The following SLC2A1 variants were observed in gnomAD, a reference collection of about 807,000 sequenced individuals.
The protein encoded by SLC2A1 is solute carrier family 2 member 1, also known as solute carrier family 2, facilitated glucose transporter member 1.
In SLC2A1, 4 loss-of-function variants were observed where a neutral mutation model predicts 46.6. That is an observed-to-expected ratio of 0.09 (90% CI 0.04 to 0.20). SLC2A1 has a LOEUF of 0.20. Among genes scored for constraint, SLC2A1 ranks in the 10% least tolerant of loss-of-function variants. The pLI is 1.00. For missense variants in SLC2A1, 352 were observed against 667.0 expected (o/e 0.53, Z 5.20); for synonymous variants, 253 against 270.0 (o/e 0.94, Z 0.62).
At position 42,929,385 on chromosome 1, in the gene SLC2A1, T is replaced by A. The variant is rs1387930918; in HGVS notation, c.868-71A>T. Reference sequence around the variant, plus strand: ...CCTTCCCTGCCTCTGTAGCAGTGGATGTGGGACCCAGGATGAGTAAAGAAT... The same window carrying A: ...CCTTCCCTGCCTCTGTAGCAGTGGAAGTGGGACCCAGGATGAGTAAAGAAT... On this transcript the variant is annotated intron_variant, in intron 6 of 9. Transcript: ENST00000426263. The surrounding 1 kb of genome is among the most constrained non-coding windows in gnomAD (Gnocchi z 6.0). The A allele has an allele frequency of 7.7e-7, 1 of 1,295,226 alleles. No homozygotes were observed. Among genetic ancestry groups the A allele is most frequent in the Non-Finnish European group, 1.1e-6 (1 of 908,286 alleles). 80.2% of individuals were successfully genotyped at this position (1,295,226 alleles called of 1,614,324 possible). A position where few individuals can be genotyped will look rare whatever the true frequency, so the allele number is the denominator to read the frequency against.
chr1:42,930,874 CG>C lies in SLC2A1; in HGVS notation c.276-9del, dbSNP rs1346049540. 1.9e-6 allele frequency: 3 copies of C among 1,601,114 alleles called. No individual in the cohort carries two copies. Among genetic ancestry groups the C allele is most frequent in the Middle Eastern group, 1.6e-4 (1 of 6,082 alleles). On this transcript the variant is annotated splice_polypyrimidine_tract_variant and intron_variant, in intron 3 of 9. Transcript: ENST00000426263. The surrounding 1 kb of genome is among the most constrained non-coding windows in gnomAD (Gnocchi z 6.2). The stretch of plus-strand genomic sequence containing the variant: ...ATCAGCATTGAATTCCGCCTGGGGA[CG>C]GGGTCACAGGTCAGGCCAGTGCCCA...
chr1:42,954,456 C>T lies in SLC2A1; in HGVS notation c.18+4178G>A, dbSNP rs1009973468. Among the ~76,000 whole-genome samples the T allele has an allele frequency of 1.3e-5, 2 of 152,174 alleles. No homozygotes were observed. The highest frequency in any genetic ancestry group is 4.8e-5 in the African/African-American group (2 of 41,440). ...AGGAGAACCACTAGAACCTGGGAGGCGAAGGTTGTGGTGAGCTGAGATTGT... is the reference window on the plus strand; with the variant it reads ...AGGAGAACCACTAGAACCTGGGAGGTGAAGGTTGTGGTGAGCTGAGATTGT... On this transcript the variant is annotated intron_variant, in intron 1 of 9. Coordinates refer to ENST00000426263, the MANE Select transcript of SLC2A1 (RefSeq NM_006516.4). The surrounding 1 kb of genome is among the most constrained non-coding windows in gnomAD (Gnocchi z 4.2).
At position 42,958,689 on chromosome 1, in the gene SLC2A1, C is replaced by T. The variant is rs1366389469; in HGVS notation, c.-38G>A. 2.6e-6 allele frequency: 4 copies of T among 1,533,244 alleles called. No individual in the cohort carries two copies. The highest frequency in any genetic ancestry group is 1.4e-5 in the African/African-American group (1 of 72,178). 95.0% of individuals were successfully genotyped at this position (1,533,244 alleles called of 1,614,324 possible). On this transcript the variant is annotated 5_prime_UTR_variant, in exon 1 of 10. Coordinates refer to ENST00000426263, the MANE Select transcript of SLC2A1 (RefSeq NM_006516.4). ...CTGGTGGCTCTGGCTGCGCCGGGTACGCGGGTGGCGACGGGCGTGCGAGCG... is the reference window on the plus strand; with the variant it reads ...CTGGTGGCTCTGGCTGCGCCGGGTATGCGGGTGGCGACGGGCGTGCGAGCG...
intron 1 of SLC2A1, among the ~76,000 whole-genome samples, chr1:42,944,984 G>A (rs1643636362): frequency 6.6e-6 from 1 of 152,034 alleles, no homozygotes; most frequent in African/African-American, 2.4e-5. Context: ...AGTGGGTAGT[G>A]AGCAGCTGAC....
In SLC2A1 at chr1:42,930,165, A is replaced by AGAGCCT; in HGVS notation, c.517-131_517-130insAGGCTC. ...GGGCCCCAGTTCTAGAGGCTCTGCC[A>AGAGCCT]CTAGCATGAGCCCTGTTTCTCAGTT... On this transcript the variant is annotated intron_variant, in intron 4 of 9. Coordinates refer to ENST00000426263, the MANE Select transcript of SLC2A1 (RefSeq NM_006516.4). This position sits in a 1 kb window ranked among gnomAD's most constrained non-coding sequence, Gnocchi z 6.2. 2.0e-6 allele frequency: 2 copies of AGAGCCT among 990,410 alleles called. No homozygotes were observed. The highest frequency in any genetic ancestry group is 3.1e-6 in the Non-Finnish European group (2 of 640,880). 61.4% of individuals were successfully genotyped at this position (990,410 alleles called of 1,614,324 possible).
intron 2 of SLC2A1, among the ~76,000 whole-genome samples, chr1:42,937,100 A>G (rs576766003): frequency 1.3e-4 from 20 of 152,322 alleles, no homozygotes; most frequent in African/African-American, 4.8e-4. Context: ...CCCTGCTCTA[A>G]GGGCGAAGCA....
At chr1:42,934,569 C>A (rs76042949) in intron 2 of SLC2A1, among the ~76,000 whole-genome samples, 2 of 152,128 alleles carry the variant, frequency 1.3e-5, no homozygotes, top group Admixed American at 6.5e-5. Context: ...ATGAGAAGAA[C>A]CCTACATGGG....
At position 42,930,847 on chromosome 1, in the gene SLC2A1, T is replaced by A. The variant is rs1211054711; in HGVS notation, c.295A>T (p.Met99Leu). ...GCGGACACGAAGGCCAGCAGGTTCA[T>A]CATCAGCATTGAATTCCGCCTGGGG... is the stretch of plus-strand genomic sequence containing the variant. ...RFGRRNSMLM[M>L]NLLAFVSAVL... The change falls in exon 4 of 10, where the codon ATG becomes TTG. Residue 99 changes from methionine (M) to leucine (L), a missense_variant. Around this residue, in one of 5 missense-constraint regions of SLC2A1, gnomAD observed 97 missense variants for 175.6 expected, o/e 0.55. Transcript: ENST00000426263. This position sits in a 1 kb window ranked among gnomAD's most constrained non-coding sequence, Gnocchi z 6.2. The A allele has an allele frequency of 6.2e-7, 1 of 1,600,652 alleles. No individual in the cohort carries two copies. Among genetic ancestry groups the A allele is most frequent in the Non-Finnish European group, 8.5e-7 (1 of 1,179,934 alleles).
At chr1:42,946,921 C>A (rs1208527765) in intron 1 of SLC2A1, among the ~76,000 whole-genome samples, 1 of 152,218 alleles carries the variant, frequency 6.6e-6, no homozygotes, top group East Asian at 1.9e-4. Flanking sequence ...CAAGGCAGCC[C>A]TGCTCTGGGC....
chr1:42,950,035 T>C (rs181600192), intron 1 of SLC2A1, among the ~76,000 whole-genome samples: 1 of 152,296 alleles, frequency 6.6e-6, no homozygotes, highest in African/African-American at 2.4e-5. Context: ...TCAGAAACCT[T>C]TGGGCCACTT....
At chr1:42,933,453 A>G (rs907905664) in intron 2 of SLC2A1, among the ~76,000 whole-genome samples, 2 of 152,120 alleles carry the variant, frequency 1.3e-5, no homozygotes, top group African/African-American at 4.8e-5. Flanking sequence ...GTTGATTCAC[A>G]CCATGGTCTG....
rs13306754 is a variant in SLC2A1, at chr1:42,927,117, C to T, written c.1403G>A (p.Arg468Gln). The change falls in exon 10 of 10, where the codon CGG becomes CAG. Residue 468 changes from arginine to glutamine, a missense_variant. Around this residue, in one of 5 missense-constraint regions of SLC2A1, gnomAD observed 41 missense variants for 49.1 expected, o/e 0.83. Transcript: ENST00000426263. The surrounding 1 kb of genome is among the most constrained non-coding windows in gnomAD (Gnocchi z 5.3). ...RTFDEIASGFRQGGASQSDKT... is the reference protein window; with the variant it reads ...RTFDEIASGFQQGGASQSDKT... ...GTCACTTTGGCTGGCTCCCCCCTGC[C>T]GGAAGCCGGAAGCGATCTCATCGAA... The T allele has an allele frequency of 3.1e-6, 5 of 1,614,036 alleles. No individual in the cohort carries two copies. Among genetic ancestry groups the T allele is most frequent in the South Asian group, 2.2e-5 (2 of 91,080 alleles).
chr1:42,948,880 C>T (rs1257539736), intron 1 of SLC2A1, among the ~76,000 whole-genome samples: 7 of 151,842 alleles, frequency 4.6e-5, no homozygotes, highest in African/African-American at 1.5e-4. Context: ...CTGGCTAACA[C>T]GGTGAAACCC....
At position 42,927,871 on chromosome 1, in the gene SLC2A1, C is replaced by G; in HGVS notation, c.1075-63G>C. The G allele has an allele frequency of 7.9e-7, 1 of 1,259,912 alleles. No individual in the cohort carries two copies. Among genetic ancestry groups the G allele is most frequent in the South Asian group, 1.3e-5 (1 of 78,860 alleles). 78.0% of individuals were successfully genotyped at this position (1,259,912 alleles called of 1,614,324 possible). A position where few individuals can be genotyped will look rare whatever the true frequency, so the allele number is the denominator to read the frequency against. On this transcript the variant is annotated intron_variant, in intron 8 of 9. Transcript: ENST00000426263. The surrounding 1 kb of genome is among the most constrained non-coding windows in gnomAD (Gnocchi z 5.3). Reference sequence around the variant, plus strand: ...GGTTGTGATGGATCCTCAGGGGAAACAGAAGCTACAGAGGCCAGAGCAGAG... The same window carrying G: ...GGTTGTGATGGATCCTCAGGGGAAAGAGAAGCTACAGAGGCCAGAGCAGAG...
rs1570591116 is a variant in SLC2A1 at position 42,927,903 on chromosome 1, G to A, written c.1075-95C>T. On this transcript the variant is annotated intron_variant, in intron 8 of 9. Coordinates refer to ENST00000426263, the MANE Select transcript of SLC2A1 (RefSeq NM_006516.4). The surrounding 1 kb of genome is among the most constrained non-coding windows in gnomAD (Gnocchi z 5.3). Reference sequence around the variant, plus strand: ...TACAGAGGCCAGAGCAGAGCTATGCGAGAAGGCAGGAAGCCTGGGGATGGT... The same window carrying A: ...TACAGAGGCCAGAGCAGAGCTATGCAAGAAGGCAGGAAGCCTGGGGATGGT... 17 of 939,650 alleles carry A rather than the reference G, an allele frequency of 1.8e-5. No individual in the cohort carries two copies. In the South Asian group the frequency reaches 2.0e-4, roughly 11 times the overall value. The allele number at this position is 939,650 out of a possible 1,614,324, so 58.2% of individuals were successfully genotyped here. A position where few individuals can be genotyped will look rare whatever the true frequency, so the allele number is the denominator to read the frequency against.
intron 2 of SLC2A1, 92 bp from the exon 3 acceptor site, chr1:42,931,298 G>A (rs1034073691): frequency 2.3e-6 from 3 of 1,310,892 alleles, no homozygotes; most frequent in African/African-American, 1.5e-5. Flanking sequence ...CTAAGAGAGG[G>A]CCAGGGCCTG....
At chr1:42,952,046 T>G in intron 1 of SLC2A1, 2 of 426,998 alleles carry the variant, frequency 4.7e-6, no homozygotes, top group Non-Finnish European at 8.2e-6. Context: ...GGCCCAGATA[T>G]CCACAGCATG....
chr1:42,958,735 G>T lies in SLC2A1; in HGVS notation c.-84C>A. On this transcript the variant is annotated 5_prime_UTR_variant, in exon 1 of 10. Coordinates refer to ENST00000426263, the MANE Select transcript of SLC2A1 (RefSeq NM_006516.4). ...GAGCGGCGCTCTCCCGCTCAGGCTC[G>T]TGCTCCGGTCCGGGGACTCCCACTG... 7.0e-7 allele frequency: 1 copy of T among 1,419,964 alleles called. No homozygotes were observed. The highest frequency in any genetic ancestry group is 9.5e-7 in the Non-Finnish European group (1 of 1,047,734). The allele number at this position is 1,419,964 out of a possible 1,614,324, so 88.0% of individuals were successfully genotyped here.
At position 42,943,295 on chromosome 1, in the gene SLC2A1, G is replaced by C. The variant is rs1385129; in HGVS notation, c.45C>G (p.Ala15=). The stretch of plus-strand genomic sequence containing the variant: ...GGGAGCCAAGCACTGCTCCTCCCAC[G>C]GCCAGCATGAGGCGACCCGTCAGCT... ...SKKLTGRLML[A]VGGAVLGSLQ... The change falls in exon 2 of 10, where the codon GCC becomes GCG. Residue 15 remains alanine (A), a synonymous_variant. Transcript: ENST00000426263. The C allele has an allele frequency of 6.2e-7, 1 of 1,613,316 alleles. No homozygotes were observed.
Sources: allele counts gnomAD v4.1 joint callset (sites outside exome capture counted in the v4.1 genomes callset), GRCh38; gene constraint gnomAD v4.1.1; regional missense constraint gnomAD v4.1.1; non-coding constraint Gnocchi (gnomAD v3.1); transcripts MANE v1.5; gene names NCBI Gene and HGNC (gene_info 2026-07-23, HGNC 2026-07-21).